The following TMEM18 variants were observed in gnomAD, a reference collection of about 807,000 sequenced individuals.
The protein encoded by TMEM18 is transmembrane protein 18.
A neutral mutation model predicts 17.4 loss-of-function variants in TMEM18; 14 were observed. The ratio of observed to expected loss-of-function variants is 0.80; its 90% CI spans 0.53 to 1.25. The LOEUF (loss-of-function observed/expected upper bound fraction) is 1.25, where lower values mean the gene tolerates loss of function less well. Ranked by LOEUF, TMEM18 falls within the 50% of genes most tolerant of loss-of-function variation. The pLI is 0.00. For missense variants in TMEM18, 187 were observed against 172.1 expected (o/e 1.09, Z -0.48); for synonymous variants, 86 against 66.1 (o/e 1.30, Z -1.46).
At position 667,334 on chromosome 2, in the gene TMEM18, ATAT is replaced by A. The variant is rs1276927180; in HGVS notation, c.*2243_*2245del. On this transcript the variant is annotated 3_prime_UTR_variant, in exon 5 of 5. Transcript: ENST00000281017. ...TGAAAAAAACAAAAAAAAATACTACATATTATTAAAGATGTATTTTATTGCATA... is the reference window on the plus strand; with the variant it reads ...TGAAAAAAACAAAAAAAAATACTACATATTAAAGATGTATTTTATTGCATA... 1.3e-5 allele frequency: 2 copies of A among 152,204 alleles called. No individual in the cohort carries two copies. The highest frequency in any genetic ancestry group is 2.9e-5 in the Non-Finnish European group (2 of 68,038). The allele number at this position is 152,204 out of a possible 1,614,324, so 9.4% of individuals were successfully genotyped here. A position where few individuals can be genotyped will look rare whatever the true frequency, so the allele number is the denominator to read the frequency against.
rs1192580991 is a variant in TMEM18 at position 667,609 on chromosome 2, T to C, written c.*1971A>G. 6.6e-6 allele frequency: 1 copy of C among 152,250 alleles called. No individual in the cohort carries two copies. The allele number at this position is 152,250 out of a possible 1,614,324, so 9.4% of individuals were successfully genotyped here. On this transcript the variant is annotated 3_prime_UTR_variant, in exon 5 of 5. Transcript: ENST00000281017. ...CTCAACTGCTGATCATTTTGGCTTC[T>C]ATGACTTTCCCTAAAATGAGGACAA...
intron 2 of TMEM18, 105 bp from the exon 3 acceptor site, chr2:672,967 A>G (rs1678894946): frequency 1.8e-6 from 2 of 1,086,092 alleles, no homozygotes; most frequent in Non-Finnish European, 1.3e-6. Context: ...TGTCACTTTA[A>G]TTTTAAACAT....
rs376262052 is a variant in TMEM18, at chr2:666,164, G to A, written c.*3416C>T. On this transcript the variant is annotated 3_prime_UTR_variant, in exon 5 of 5. Transcript: ENST00000281017. ...GGCTGACATCCAGCTCGCTCAGATG[G>A]AGCAGGAGCTGCTGAAGGGTGTTTT... is the stretch of plus-strand genomic sequence containing the variant. Among the ~76,000 whole-genome samples, 6 of 152,374 alleles carry A rather than the reference G, an allele frequency of 3.9e-5. No individual in the cohort carries two copies. The East Asian group carries it at 7.7e-4, about 20-fold the overall frequency.
chr2:668,318 T>G lies in TMEM18; in HGVS notation c.*1262A>C, dbSNP rs1290588428. The G allele has an allele frequency of 6.6e-6, 1 of 152,224 alleles. No individual in the cohort carries two copies. The highest frequency in any genetic ancestry group is 1.5e-5 in the Non-Finnish European group (1 of 68,050). 9.4% of individuals were successfully genotyped at this position (152,224 alleles called of 1,614,324 possible). ...AATGTTATACTAAAAATGCACAGTC[T>G]CTACAAACTCCCTGGTTTCTTTTCT... On this transcript the variant is annotated 3_prime_UTR_variant, in exon 5 of 5. Transcript: ENST00000281017.
chr2:677,195 C>A, intron 1 of TMEM18, 94 bp downstream of exon 1: 2 of 1,478,840 alleles, frequency 1.4e-6, no homozygotes, highest in Middle Eastern at 4.6e-4. Context: ...ACGGCCGGGG[C>A]CTTCTTGGCC....
rs143028902 is a variant in TMEM18 at position 664,471 on chromosome 2, A to G, written c.*5109T>C. Reference sequence around the variant, plus strand: ...TAAAGCCCATATTGCAAAACAAAGAAGAATACGAACAGATTATTCACTAAA... The same window carrying G: ...TAAAGCCCATATTGCAAAACAAAGAGGAATACGAACAGATTATTCACTAAA... On this transcript the variant is annotated 3_prime_UTR_variant, in exon 5 of 5. Coordinates refer to ENST00000281017, the MANE Select transcript of TMEM18 (RefSeq NM_152834.4). Among the ~76,000 whole-genome samples the G allele has an allele frequency of 1.8e-3, 269 of 152,386 alleles. 1 individual carries two copies. Among genetic ancestry groups the G allele is most frequent in the African/African-American group, 6.1e-3 (253 of 41,600 alleles).
At position 668,258 on chromosome 2, in the gene TMEM18, T is replaced by C. The variant is rs1678745781; in HGVS notation, c.*1322A>G. Reference sequence around the variant, plus strand: ...ATTACAATTTGAGATGCAATTTGGGTGGGGACACAAAGCCAAACCATATCA... The same window carrying C: ...ATTACAATTTGAGATGCAATTTGGGCGGGGACACAAAGCCAAACCATATCA... On this transcript the variant is annotated 3_prime_UTR_variant, in exon 5 of 5. Coordinates refer to ENST00000281017, the MANE Select transcript of TMEM18 (RefSeq NM_152834.4). The C allele has an allele frequency of 6.6e-6, 1 of 152,186 alleles. No homozygotes were observed. Among genetic ancestry groups the C allele is most frequent in the South Asian group, 2.1e-4 (1 of 4,816 alleles). The allele number at this position is 152,186 out of a possible 1,614,324, so 9.4% of individuals were successfully genotyped here.
Position 676,220 on chromosome 2 carries a change from C to T in TMEM18, c.58-590G>A, listed in dbSNP as rs538442244. 4.3e-5 allele frequency: 60 copies of T among 1,390,292 alleles called. No individual in the cohort carries two copies. In the South Asian group the frequency reaches 6.9e-4, roughly 16 times the overall value. 86.1% of individuals were successfully genotyped at this position (1,390,292 alleles called of 1,614,324 possible). A position where few individuals can be genotyped will look rare whatever the true frequency, so the allele number is the denominator to read the frequency against. ...GCCGCACTCCGCCGCCTCCTGGACT[C>T]CCCGGGACCCTGCTGTACCTGGGGA... On this transcript the variant is annotated intron_variant, in intron 1 of 4. Transcript: ENST00000281017.
rs1291387619 is a variant in TMEM18 at position 669,394 on chromosome 2, G to A, written c.*186C>T. The A allele has an allele frequency of 1.5e-6, 1 of 649,746 alleles. No homozygotes were observed. Among genetic ancestry groups the A allele is most frequent in the Non-Finnish European group, 2.7e-6 (1 of 364,756 alleles). The allele number at this position is 649,746 out of a possible 1,614,324, so 40.2% of individuals were successfully genotyped here. A position where few individuals can be genotyped will look rare whatever the true frequency, so the allele number is the denominator to read the frequency against. The stretch of plus-strand genomic sequence containing the variant: ...GGCACCTGAAGACGCATGTCCTGAT[G>A]GATACATTCAGTGCTGGCTGAAAAG... On this transcript the variant is annotated 3_prime_UTR_variant, in exon 5 of 5. Transcript: ENST00000281017.
In TMEM18 at chr2:666,713, G is replaced by T. The variant is rs1466980688; in HGVS notation, c.*2867C>A. ...CCTGGCTCGCTCCCTTCCTGCCTCC[G>T]AGAACTCTGCATGTGGAGCCCAGCC... On this transcript the variant is annotated 3_prime_UTR_variant, in exon 5 of 5. Coordinates refer to ENST00000281017, the MANE Select transcript of TMEM18 (RefSeq NM_152834.4). Among the ~76,000 whole-genome samples the T allele has an allele frequency of 6.6e-6, 1 of 152,128 alleles. No homozygotes were observed. Among genetic ancestry groups the T allele is most frequent in the Non-Finnish European group, 1.5e-5 (1 of 68,018 alleles).
At position 677,392 on chromosome 2, in the gene TMEM18, C is replaced by T. The variant is rs1169460205; in HGVS notation, c.-47G>A. On this transcript the variant is annotated 5_prime_UTR_variant, in exon 1 of 5. Transcript: ENST00000281017. ...ACAGCAACCGCCGAACCCGGCCTGG[C>T]CAGAATCCACAGAGGAGGGCGCCAA... 4 of 1,598,826 alleles carry T rather than the reference C, an allele frequency of 2.5e-6. No individual in the cohort carries two copies. Among genetic ancestry groups the T allele is most frequent in the South Asian group, 1.1e-5 (1 of 88,472 alleles).
At chr2:676,857 G>C in intron 1 of TMEM18, 1 of 598,436 alleles carries the variant, frequency 1.7e-6, no homozygotes, top group Non-Finnish European at 3.0e-6. Context: ...CCTCCCACAC[G>C]AACAAAGCCC....
At chr2:676,655 C>T in intron 1 of TMEM18, 1 of 1,548,578 alleles carries the variant, frequency 6.5e-7, no homozygotes, top group South Asian at 1.2e-5. Flanking sequence ...CCCTTGGCGG[C>T]CACGTGGGGC....
intron 1 of TMEM18, 81 bp from the exon 2 acceptor site, chr2:675,711 G>A (rs768572044): frequency 5.1e-6 from 8 of 1,566,508 alleles, no homozygotes; most frequent in African/African-American, 2.7e-5. Flanking sequence ...TTCTCCCAGC[G>A]CAGGAGGCAG....
Position 666,673 on chromosome 2 carries a change from G to C in TMEM18, c.*2907C>G, listed in dbSNP as rs1678699256. 6.6e-6 allele frequency among the ~76,000 whole-genome samples: 1 copy of C among 152,112 alleles called. No homozygotes were observed. Among genetic ancestry groups the C allele is most frequent in the South Asian group, 2.1e-4 (1 of 4,820 alleles). On this transcript the variant is annotated 3_prime_UTR_variant, in exon 5 of 5. Transcript: ENST00000281017. ...TGGGACTGGGCAGCGCCACCCCCTG[G>C]GTGCTCTTCTCTGCCCTGGCTCGCT...
Position 663,929 on chromosome 2 carries a change from G to T in TMEM18, c.*5651C>A, listed in dbSNP as rs1181863600. 6.6e-6 allele frequency among the ~76,000 whole-genome samples: 1 copy of T among 152,216 alleles called. No individual in the cohort carries two copies. The highest frequency in any genetic ancestry group is 1.5e-5 in the Non-Finnish European group (1 of 68,046). On this transcript the variant is annotated 3_prime_UTR_variant, in exon 5 of 5. Transcript: ENST00000281017. ...TAACTTTATTTATAAAGGTGTCACAGTTCTTGGCAAGTAAATCCATTCCTA... is the reference window on the plus strand; with the variant it reads ...TAACTTTATTTATAAAGGTGTCACATTTCTTGGCAAGTAAATCCATTCCTA...
In TMEM18 at chr2:666,801, G is replaced by A. The variant is rs550639787; in HGVS notation, c.*2779C>T. Reference sequence around the variant, plus strand: ...CAGCAAGAGGGGCTTCAGTAAAGAGGGGAAGGCTGCACTGAAAACATGTTC... The same window carrying A: ...CAGCAAGAGGGGCTTCAGTAAAGAGAGGAAGGCTGCACTGAAAACATGTTC... On this transcript the variant is annotated 3_prime_UTR_variant, in exon 5 of 5. Coordinates refer to ENST00000281017, the MANE Select transcript of TMEM18 (RefSeq NM_152834.4). Among the ~76,000 whole-genome samples, 1 of 152,238 alleles carries A rather than the reference G, an allele frequency of 6.6e-6. No homozygotes were observed. The highest frequency in any genetic ancestry group is 1.9e-4 in the East Asian group (1 of 5,162).
At chr2:677,244 C>T (rs1216716315) in intron 1 of TMEM18, 45 bp downstream of exon 1, 1 of 1,586,814 alleles carries the variant, frequency 6.3e-7, no homozygotes, top group South Asian at 1.1e-5. Context: ...CTACGCCTCT[C>T]CGCCGTCCTC....
Position 675,624 on chromosome 2 carries a change from C to G in TMEM18, c.64G>C (p.Asp22His). The change falls in exon 2 of 5, where the codon GAC (aspartate) becomes CAC (histidine). Residue 22 changes from aspartate to histidine, a missense_variant. Asp to His is a moderately conservative substitution (Grantham distance 81). Coordinates refer to ENST00000281017, the MANE Select transcript of TMEM18 (RefSeq NM_152834.4). ...VSIPAVLTQT[D>H]WTEPWLMGLA... ...CCCATGAGCCAGGGCTCAGTCCAGT[C>G]CGTCTGCTGTAGGAACACACCAGCA... is the stretch of plus-strand genomic sequence containing the variant. 1 of 1,614,020 alleles carries G rather than the reference C, an allele frequency of 6.2e-7. No individual in the cohort carries two copies. Among genetic ancestry groups the G allele is most frequent in the Non-Finnish European group, 8.5e-7 (1 of 1,180,034 alleles).
Sources: gnomAD v4.1 joint callset for allele counts (sites outside exome capture counted in the v4.1 genomes callset) on GRCh38, gnomAD v4.1.1 for gene constraint, MANE v1.5 for transcripts, NCBI Gene and HGNC (gene_info 2026-07-23, HGNC 2026-07-21) for gene names.